Variants in PDE11A observed in about 807,000 individuals in gnomAD.
PDE11A encodes phosphodiesterase 11A.
PDE11A carries 100 observed loss-of-function variants against 100.5 expected under a neutral mutation model. The observed-to-expected ratio is 1.00, with a 90% CI of 0.85 to 1.18. The LOEUF (loss-of-function observed/expected upper bound fraction) is 1.18, where lower values mean the gene tolerates loss of function less well. PDE11A is among the 50% of genes most tolerant of loss of function. The probability of loss-of-function intolerance (pLI) is 0.00; values close to 1 mark genes in which losing one functional copy is unlikely to be tolerated. For synonymous variants in PDE11A, 381 were observed against 420.8 expected (o/e 0.91, Z 1.16); for missense variants, 1,141 against 1,152.6 (o/e 0.99, Z 0.15).
chr2:177,781,754 T>C (rs6718100), intron 9 of PDE11A, among the ~76,000 whole-genome samples: 50,526 of 151,974 alleles, frequency 0.33, 8,774 homozygotes, highest in African/African-American at 0.39. Context: ...TGCCCGCCTC[T>C]GCCTCCCAAA....
chr2:178,005,944 A>T (rs2086204928), intron 2 of PDE11A, among the ~76,000 whole-genome samples: 1 of 152,228 alleles, frequency 6.6e-6, no homozygotes, highest in African/African-American at 2.4e-5. Flanking sequence ...TCTTAGAAAC[A>T]TAAAAAGAGG....
chr2:177,731,423 T>C (rs1296889495), intron 10 of PDE11A, among the ~76,000 whole-genome samples: 1 of 152,166 alleles, frequency 6.6e-6, no homozygotes, highest in East Asian at 1.9e-4. Flanking sequence ...CTTTACTCTT[T>C]AGCTACTCAG....
intron 2 of PDE11A, among the ~76,000 whole-genome samples, chr2:177,971,451 T>C (rs1326191088): frequency 6.6e-6 from 1 of 152,160 alleles, no homozygotes; most frequent in Non-Finnish European, 1.5e-5. Context: ...GCAATTATCC[T>C]ACCTCCACAG....
chr2:178,107,798 T>G (rs543862908), intron 1 of PDE11A, among the ~76,000 whole-genome samples: 2 of 148,552 alleles, frequency 1.3e-5, no homozygotes, highest in African/African-American at 5.0e-5. Flanking sequence ...CTCGGCTCAC[T>G]GCAACCTCCG....
chr2:177,915,445 G>A (rs1207250426), intron 2 of PDE11A, among the ~76,000 whole-genome samples: 1 of 152,168 alleles, frequency 6.6e-6, no homozygotes, highest in Admixed American at 6.5e-5. Flanking sequence ...GAACCACGCA[G>A]TATATATCCT....
chr2:177,831,992 G>A (rs771977825), intron 6 of PDE11A, among the ~76,000 whole-genome samples: 7 of 152,184 alleles, frequency 4.6e-5, no homozygotes, highest in African/African-American at 9.7e-5. Flanking sequence ...ATCTAGTCAG[G>A]AAGGAGCACG....
chr2:177,828,986 C>T (rs552326222), intron 6 of PDE11A, among the ~76,000 whole-genome samples: 5 of 150,610 alleles, frequency 3.3e-5, no homozygotes, highest in African/African-American at 1.2e-4. Context: ...TGAAATAGTA[C>T]AGGGATGATA....
At chr2:177,649,041 T>C (rs891498915) in intron 19 of PDE11A, among the ~76,000 whole-genome samples, 10 of 152,140 alleles carry the variant, frequency 6.6e-5, no homozygotes, top group Admixed American at 2.0e-4. Context: ...TTATTTATAA[T>C]ATGGAAAATG....
intron 2 of PDE11A, among the ~76,000 whole-genome samples, chr2:177,958,872 G>C (rs556416210): frequency 3.0e-4 from 45 of 152,138 alleles, no homozygotes; most frequent in Non-Finnish European, 6.2e-4. Flanking sequence ...AAAAAATACT[G>C]AATTAATAGA....
chr2:178,004,967 A>G (rs1345853768), intron 2 of PDE11A, among the ~76,000 whole-genome samples: 2 of 152,172 alleles, frequency 1.3e-5, no homozygotes, highest in South Asian at 4.1e-4. Flanking sequence ...GAACATAATA[A>G]TAAGACAATA....
chr2:177,844,518 T>TTG (rs1491182527), intron 5 of PDE11A, among the ~76,000 whole-genome samples: 1 of 134,512 alleles, frequency 7.4e-6, no homozygotes, highest in Non-Finnish European at 1.6e-5. Flanking sequence ...TTGGAATTCC[T>TTG]TTTTTTTTTT....
intron 1 of PDE11A, chr2:178,105,711 A>G: frequency 9.7e-7 from 1 of 1,033,938 alleles, no homozygotes; most frequent in Non-Finnish European, 1.3e-6. Context: ...CTGATGGCAT[A>G]GGTCTCACCT....
intron 1 of PDE11A, among the ~76,000 whole-genome samples, chr2:178,029,985 C>A (rs2086524579): frequency 6.6e-6 from 1 of 152,174 alleles, no homozygotes; most frequent in African/African-American, 2.4e-5. Flanking sequence ...CAGATGCAGA[C>A]ACCTTGATTT....
chr2:177,855,903 A>AACACACAC (rs57202805), intron 5 of PDE11A, among the ~76,000 whole-genome samples: 37 of 139,664 alleles, frequency 2.6e-4, no homozygotes, highest in African/African-American at 8.6e-4. Context: ...GAACGTATGC[A>AACACACAC]ACACACACAC....
In PDE11A at chr2:177,727,045, T is replaced by C. The variant is rs1031406049; in HGVS notation, c.2043+613A>G. On this transcript the variant is annotated intron_variant, in intron 12 of 19. Coordinates refer to ENST00000286063, the MANE Select transcript of PDE11A (RefSeq NM_016953.4). Reference sequence around the variant, plus strand: ...TTCAATATTTGCCACAAACATTTGCTTTGAGATTAAATTCCAAGGCTTATA... The same window carrying C: ...TTCAATATTTGCCACAAACATTTGCCTTGAGATTAAATTCCAAGGCTTATA... 3.3e-5 allele frequency among the ~76,000 whole-genome samples: 5 copies of C among 152,226 alleles called. No individual in the cohort carries two copies. In the East Asian group the frequency reaches 7.7e-4, roughly 24 times the overall value.
At chr2:177,816,415 A>G (rs1412262781) in intron 9 of PDE11A, among the ~76,000 whole-genome samples, 1 of 151,886 alleles carries the variant, frequency 6.6e-6, no homozygotes, top group African/African-American at 2.4e-5. Context: ...GGATAATGAC[A>G]GGAGTAGCTT....
intron 2 of PDE11A, among the ~76,000 whole-genome samples, chr2:178,101,708 C>A (rs915194438): frequency 6.6e-6 from 1 of 152,136 alleles, no homozygotes; most frequent in African/African-American, 2.4e-5. Context: ...AACAAACATA[C>A]TCCGGTCACT....
intron 7 of PDE11A, among the ~76,000 whole-genome samples, chr2:177,819,961 A>G (rs2083110561): frequency 6.7e-6 from 1 of 149,418 alleles, no homozygotes. Flanking sequence ...GAGATAAAAG[A>G]GTTCTATTGG....
intron 2 of PDE11A, among the ~76,000 whole-genome samples, chr2:177,944,046 C>T (rs1229253100): frequency 6.6e-6 from 1 of 152,144 alleles, no homozygotes; most frequent in Admixed American, 6.5e-5. Context: ...TGTGTGTTTA[C>T]AGTATGCTGT....
Sources: gnomAD v4.1 joint callset for allele counts (sites outside exome capture counted in the v4.1 genomes callset) on GRCh38, gnomAD v4.1.1 for gene constraint, MANE v1.5 for transcripts, NCBI Gene and HGNC (gene_info 2026-07-23, HGNC 2026-07-21) for gene names.